ZNF534: variants seen among roughly 807,000 people sequenced by gnomAD.
ZNF534 encodes KRAB domain only 3.
In ZNF534, 19 loss-of-function variants were observed where a neutral mutation model predicts 13.6. The observed-to-expected ratio is 1.40, with a 90% CI of 0.97 to 2.05. ZNF534 has a LOEUF of 2.05. ZNF534 is among the 30% of genes most tolerant of loss of function. The pLI, the probability that ZNF534 is intolerant of heterozygous loss-of-function variation, is 0.00. For missense variants in ZNF534, 782 were observed against 796.3 expected (o/e 0.98, Z 0.22); for synonymous variants, 244 against 273.8 (o/e 0.89, Z 1.07).
intron 4 of ZNF534, among the ~76,000 whole-genome samples, chr19:52,447,948 T>C (rs2059200172): frequency 6.6e-6 from 1 of 152,102 alleles, no homozygotes. Flanking sequence ...ATAAATTAAG[T>C]TGGGAAGTAG....
intron 2 of ZNF534, 117 bp from the exon 3 acceptor site, chr19:52,433,838 G>T: frequency 8.7e-7 from 1 of 1,144,426 alleles, no homozygotes; most frequent in Non-Finnish European, 1.3e-6. Flanking sequence ...ATCCTTTAAT[G>T]TGGATTTGGC....
intron 4 of ZNF534, among the ~76,000 whole-genome samples, chr19:52,449,559 T>C (rs1305639508): frequency 6.6e-6 from 1 of 152,194 alleles, no homozygotes; most frequent in East Asian, 1.9e-4. Context: ...GTATTTTTGA[T>C]GATAGCCATT....
chr19:52,448,753 G>A (rs1408846636), intron 4 of ZNF534, among the ~76,000 whole-genome samples: 1 of 152,034 alleles, frequency 6.6e-6, no homozygotes, highest in African/African-American at 2.4e-5. Flanking sequence ...ATTTTCAATG[G>A]TATTTATTTA....
chr19:52,451,559 C>T (rs1295161229), exon 5 of ZNF534: 3 of 602,210 alleles, frequency 5.0e-6, no homozygotes, highest in African/African-American at 2.0e-5. Flanking sequence ...CATGCAGCTC[C>T]GCGTTGCCTG....
chr19:52,441,539 C>T lies in ZNF534; in HGVS notation c.*2093C>T, dbSNP rs947362721. ...ACAAATATAAACAAACAATGTGAAA[C>T]GTCTTCAGTCACAAGTATTCCCTAA... On this transcript the variant is annotated 3_prime_UTR_variant, in exon 5 of 5. Transcript: ENST00000433050. 3.9e-5 allele frequency among the ~76,000 whole-genome samples: 6 copies of T among 152,104 alleles called. No homozygotes were observed. The highest frequency in any genetic ancestry group is 2.1e-4 in the South Asian group (1 of 4,828).
At chr19:52,448,661 A>T (rs1365697432) in intron 4 of ZNF534, among the ~76,000 whole-genome samples, 1 of 152,198 alleles carries the variant, frequency 6.6e-6, no homozygotes, top group Non-Finnish European at 1.5e-5. Flanking sequence ...ATCAGGTAAG[A>T]ACACAACGTG....
intron 4 of ZNF534, among the ~76,000 whole-genome samples, chr19:52,449,382 C>T (rs986229591): frequency 2.0e-5 from 3 of 151,790 alleles, no homozygotes; most frequent in Admixed American, 6.6e-5. Context: ...CTCTCTTTCT[C>T]TCTTTCCAAC....
At chr19:52,431,601 A>C (rs1390652151) in intron 2 of ZNF534, 112 bp downstream of exon 2, 4 of 1,390,676 alleles carry the variant, frequency 2.9e-6, no homozygotes, top group Non-Finnish European at 4.0e-6. Context: ...ATTTCATTGC[A>C]CTTACCCATG....
chr19:52,430,844 C>CT (rs1327707508), intron 1 of ZNF534, among the ~76,000 whole-genome samples: 1,912 of 136,248 alleles, frequency 0.014, 39 homozygotes, highest in African/African-American at 0.055. Context: ...CCACACATGG[C>CT]CTTTTTTTTT....
chr19:52,434,546 C>G (rs1229053368), intron 3 of ZNF534, among the ~76,000 whole-genome samples: 1 of 149,842 alleles, frequency 6.7e-6, no homozygotes, highest in Non-Finnish European at 1.5e-5. Context: ...GCCTGACCAA[C>G]CTGGTGAAAC....
chr19:52,434,075 T>G lies in ZNF534; in HGVS notation c.136T>G (p.Ser46Ala). 10 of 1,613,740 alleles carry G rather than the reference T, an allele frequency of 6.2e-6. No homozygotes were observed. The highest frequency in any genetic ancestry group is 8.5e-6 in the Non-Finnish European group (10 of 1,179,870). ...GTTAGAGAACTACAGGAACCTGGTC[T>G]CCCTAGGTGAGGATAATGTCCGTCC... Reference protein sequence around the residue: ...VMLENYRNLVSLGICLPDLSV... With the variant: ...VMLENYRNLVALGICLPDLSV... The change falls in exon 3 of 5, where the codon TCC (serine) becomes GCC (alanine). Residue 46 changes from serine to alanine, a missense_variant. Transcript: ENST00000433050.
At chr19:52,433,511 C>A (rs1031589290) in intron 2 of ZNF534, among the ~76,000 whole-genome samples, 39 of 152,102 alleles carry the variant, frequency 2.6e-4, no homozygotes, top group Non-Finnish European at 4.4e-4. Context: ...GGACTACAGA[C>A]CCCCACCACC....
At chr19:52,444,448 G>T (rs1308359480), downstream of ZNF534, among the ~76,000 whole-genome samples, 2 of 152,150 alleles carry the variant, frequency 1.3e-5, no homozygotes, top group African/African-American at 4.8e-5. Context: ...AGTTTTGGTT[G>T]TTTAAAGTAC....
rs1259626686 is a variant in ZNF534, at chr19:52,439,514, C to G, written c.*68C>G. 5 of 1,389,226 alleles carry G rather than the reference C, an allele frequency of 3.6e-6. No homozygotes were observed. The African/African-American group carries it at 7.3e-5, about 20-fold the overall frequency. 86.1% of individuals were successfully genotyped at this position (1,389,226 alleles called of 1,614,324 possible). ...ATCCCAGCACTTTGGGAGTCCGAGG[C>G]AGGTGGATCATGAGGTCAGGAGATT... On this transcript the variant is annotated 3_prime_UTR_variant, in exon 5 of 5. Transcript: ENST00000433050.
At chr19:52,437,285 C>T (rs949274839) in intron 4 of ZNF534, among the ~76,000 whole-genome samples, 1 of 152,168 alleles carries the variant, frequency 6.6e-6, no homozygotes. Context: ...AATCACCTCA[C>T]TCCCTTGTGT....
chr19:52,437,782 C>A lies in ZNF534; in HGVS notation c.322C>A (p.Gln108Lys). 6.2e-7 allele frequency: 1 copy of A among 1,601,672 alleles called. No individual in the cohort carries two copies. The highest frequency in any genetic ancestry group is 1.1e-5 in the South Asian group (1 of 88,536). ...TGCAGGAAACAAGTCACTTAAAAAT[C>A]AACATGGATTAACTCTTCAGTTACA... The part of the protein sequence containing the change: ...SSAGNKSLKN[Q>K]HGLTLQLHLT... The change falls in exon 5 of 5, where the codon CAA becomes AAA. Residue 108 changes from glutamine (Q) to lysine (K), a missense_variant. Around this residue, in one of 5 missense-constraint regions of ZNF534, gnomAD observed 591 missense variants for 574.0 expected, o/e 1.03. Coordinates refer to ENST00000433050, the MANE Select transcript of ZNF534 (RefSeq NM_001143938.3).
Position 52,439,696 on chromosome 19 carries a change from C to T in ZNF534, c.*250C>T, listed in dbSNP as rs567544945. Among the ~76,000 whole-genome samples, 8 of 147,792 alleles carry T rather than the reference C, an allele frequency of 5.4e-5. No homozygotes were observed. The highest frequency in any genetic ancestry group is 1.8e-4 in the African/African-American group (7 of 39,710). ...ATGGCATGAACCTGGGAGGCAGAGC[C>T]TCCAGTGAGCCGAGTGAGCCACTGC... On this transcript the variant is annotated 3_prime_UTR_variant, in exon 5 of 5. Coordinates refer to ENST00000433050, the MANE Select transcript of ZNF534 (RefSeq NM_001143938.3).
intron 1 of ZNF534, among the ~76,000 whole-genome samples, 152 bp downstream of exon 1, chr19:52,429,396 C>T (rs937981917): frequency 6.6e-6 from 1 of 152,122 alleles, no homozygotes; most frequent in African/African-American, 2.4e-5. Flanking sequence ...GTCTGGAGGT[C>T]GCTTACCTGC....
At chr19:52,432,318 A>G (rs947906703) in intron 2 of ZNF534, among the ~76,000 whole-genome samples, 31 of 152,042 alleles carry the variant, frequency 2.0e-4, no homozygotes, top group African/African-American at 7.5e-4. Context: ...GTAACTGTCA[A>G]TTTACTTTTG....
Sources: gnomAD v4.1 joint callset for allele counts (sites outside exome capture counted in the v4.1 genomes callset) on GRCh38, gnomAD v4.1.1 for gene constraint, gnomAD v4.1.1 regional missense constraint, MANE v1.5 for transcripts, NCBI Gene and HGNC (gene_info 2026-07-23, HGNC 2026-07-21) for gene names.